PMPCB: variants seen among roughly 807,000 people sequenced by gnomAD.
PMPCB encodes peptidase, mitochondrial processing subunit beta.
A neutral mutation model predicts 61.5 loss-of-function variants in PMPCB; 46 were observed. That is an observed-to-expected ratio of 0.75 (90% confidence interval 0.59 to 0.96). The LOEUF (loss-of-function observed/expected upper bound fraction) is 0.96. PMPCB is among the 40% of genes least tolerant of loss of function. The pLI is 0.00. For missense variants in PMPCB, 590 were observed against 602.4 expected, an observed-to-expected ratio of 0.98 and a Z score of 0.22; for synonymous variants, 191 against 201.6, an observed-to-expected ratio of 0.95 and a Z score of 0.44.
chr7:103,315,865 T>C, downstream of PMPCB: 4 of 1,610,944 alleles, frequency 2.5e-6, no homozygotes, highest in Non-Finnish European at 3.4e-6. Context: ...ATCTTTTTGA[T>C]GAGGGTCTGA....
Position 103,309,186 on chromosome 7 carries a change from G to T in PMPCB, c.993+91G>T, listed in dbSNP as rs10046531. ...TTCTTTGTAAGAATCCTTTTTTAAA[G>T]TGGCAGAATAGAGTCTTGTACTGTG... On this transcript the variant is annotated intron_variant, in intron 8 of 12. Coordinates refer to ENST00000249269, the MANE Select transcript of PMPCB (RefSeq NM_004279.3). The T allele has an allele frequency of 2.7e-3, 2,916 of 1,062,826 alleles. 51 individuals are homozygous for T. The African/African-American group carries it at 0.043, about 16-fold the overall frequency. The allele number at this position is 1,062,826 out of a possible 1,614,324, so 65.8% of individuals were successfully genotyped here. A position where few individuals can be genotyped will look rare whatever the true frequency, so the allele number is the denominator to read the frequency against.
chr7:103,312,152 T>A (rs1284940172), intron 12 of PMPCB, 21 bp downstream of exon 12: 5 of 1,613,942 alleles, frequency 3.1e-6, no homozygotes, highest in African/African-American at 2.7e-5. Context: ...CTTCTTTTCT[T>A]CTATGCAAAA....
intron 12 of PMPCB, chr7:103,321,844 T>A: frequency 6.9e-7 from 1 of 1,453,202 alleles, no homozygotes; most frequent in Non-Finnish European, 9.4e-7. Flanking sequence ...CGAGACCCCA[T>A]CTAAAAAACA....
At chr7:103,320,341 G>A (rs1229258090) in intron 12 of PMPCB, among the ~76,000 whole-genome samples, 1 of 151,986 alleles carries the variant, frequency 6.6e-6, no homozygotes, top group African/African-American at 2.4e-5. Context: ...ACCCGCCTCA[G>A]CCTCCCAAAG....
intron 4 of PMPCB, 64 bp from the exon 5 acceptor site, chr7:103,303,778 A>T: frequency 8.4e-7 from 1 of 1,193,836 alleles, no homozygotes; most frequent in Non-Finnish European, 1.2e-6. Context: ...ATTTTGGTTT[A>T]ATAGATTTTA....
chr7:103,297,696 C>T, intron 1 of PMPCB, 138 bp downstream of exon 1: 2 of 1,536,622 alleles, frequency 1.3e-6, no homozygotes, highest in Non-Finnish European at 1.7e-6. Context: ...CGCCAGGCGG[C>T]CTGGGGCTGC....
chr7:103,298,740 C>T, intron 2 of PMPCB, 32 bp downstream of exon 2: 2 of 1,592,220 alleles, frequency 1.3e-6, no homozygotes, highest in Non-Finnish European at 1.7e-6. Context: ...CTCTAAGTGA[C>T]CCTTCATTTA....
downstream of PMPCB, chr7:103,315,776 C>T (rs751977267): frequency 9.9e-6 from 16 of 1,613,050 alleles, no homozygotes; most frequent in South Asian, 1.5e-4. Flanking sequence ...TCAAATCGTT[C>T]TGAAGGCGTT....
intron 12 of PMPCB, chr7:103,321,791 T>C (rs1818432772): frequency 1.1e-6 from 1 of 877,884 alleles, no homozygotes; most frequent in African/African-American, 1.7e-5. Flanking sequence ...GAAATTGCGG[T>C]GAACTGAGAT....
At chr7:103,346,728 GTGAC>G in the PMPCB span, among the ~76,000 whole-genome samples, 8 of 151,954 alleles carry the variant, frequency 5.3e-5, no homozygotes, top group African/African-American at 1.5e-4. Flanking sequence ...TGTCTTTTTT[GTGAC>G]TGACTTATTC....
downstream of PMPCB, chr7:103,316,779 T>G: frequency 1.4e-6 from 2 of 1,471,156 alleles, no homozygotes; most frequent in Non-Finnish European, 1.9e-6. Flanking sequence ...CTGTCTACAT[T>G]ATCTCCAGGC....
At chr7:103,346,325 G>A in the PMPCB span, among the ~76,000 whole-genome samples, 120 of 152,258 alleles carry the variant, frequency 7.9e-4, 2 homozygotes, top group East Asian at 0.019. Flanking sequence ...TAGAGACGGG[G>A]TTTAGCCATG....
At chr7:103,305,606 T>C (rs1817554645) in intron 6 of PMPCB, among the ~76,000 whole-genome samples, 1 of 152,208 alleles carries the variant, frequency 6.6e-6, no homozygotes, top group African/African-American at 2.4e-5. Context: ...CAAAGCGAAG[T>C]GTTCTTTCGT....
downstream of PMPCB, chr7:103,315,622 C>T (rs1482306963): frequency 5.3e-6 from 3 of 569,274 alleles, no homozygotes; most frequent in Non-Finnish European, 6.2e-6. Context: ...TAAATCTTTG[C>T]CCTGGAAATG....
At chr7:103,315,724 C>T, downstream of PMPCB, 2 of 1,367,612 alleles carry the variant, frequency 1.5e-6, no homozygotes, top group Non-Finnish European at 2.1e-6. Context: ...AGCACAGATA[C>T]ATGGCTAGCA....
chr7:103,317,123 C>T (rs1379661558), downstream of PMPCB: 1 of 985,532 alleles, frequency 1.0e-6, no homozygotes. Flanking sequence ...CATTCTCACT[C>T]TGACCCCATA....
At chr7:103,336,289 T>C in the PMPCB span, 1 of 152,246 alleles carries the variant, frequency 6.6e-6, no homozygotes, top group East Asian at 1.9e-4. Context: ...CACAGTTCTA[T>C]TATCAATTCT....
the PMPCB span, chr7:103,341,757 TA>T: frequency 1.3e-6 from 2 of 1,548,040 alleles, no homozygotes; most frequent in African/African-American, 2.8e-5. Context: ...ATTCAGATAT[TA>T]AATACCTTCC....
chr7:103,299,487 G>A lies in PMPCB; in HGVS notation c.285G>A (p.Lys95=). 1 of 1,612,884 alleles carries A rather than the reference G, an allele frequency of 6.2e-7. No individual in the cohort carries two copies. Among genetic ancestry groups the A allele is most frequent in the African/African-American group, 1.3e-5 (1 of 75,016 alleles). The part of the protein sequence containing the change: ...IDAGSRYENE[K]NNGTAHFLEH... ...CTGGAAGTAGATACGAAAATGAGAA[G>A]AACAATGGAACAGCACACTTTCTGG... Residue 95 remains lysine, a synonymous_variant, in exon 3 of 13, where the codon AAG becomes AAA. Transcript: ENST00000249269.
Sources: allele counts gnomAD v4.1 joint callset (sites outside exome capture counted in the v4.1 genomes callset), GRCh38; gene constraint gnomAD v4.1.1; transcripts MANE v1.5; gene names NCBI Gene and HGNC (gene_info 2026-07-23, HGNC 2026-07-21).